The following AFF3 variants were observed in gnomAD, a reference collection of about 807,000 sequenced individuals.
AFF3 encodes the protein AF4/FMR2 family member 3.
Under a neutral mutation model 129.7 loss-of-function variants are expected in AFF3, and 32 were observed. The observed-to-expected ratio is 0.25, with a 90% CI of 0.19 to 0.33. The LOEUF (loss-of-function observed/expected upper bound fraction) is 0.33, where lower values mean the gene tolerates loss of function less well. AFF3 is among the 10% of genes least tolerant of loss of function. The pLI is 1.00. For synonymous variants in AFF3, 644 were observed against 635.4 expected (o/e 1.01, Z -0.20); for missense variants, 1,373 against 1,592.0 (o/e 0.86, Z 2.34).
intron 7 of AFF3, among the ~76,000 whole-genome samples, chr2:99,991,921 A>C (rs935153064): frequency 6.9e-6 from 1 of 145,300 alleles, no homozygotes; most frequent in African/African-American, 2.7e-5. Context: ...AAACAAAAAC[A>C]AAAAAACCCA....
Position 99,755,831 on chromosome 2 carries a change from CTTG to C in AFF3, c.922-3533_922-3531del, listed in dbSNP as rs1292132493. Among the ~76,000 whole-genome samples the C allele has an allele frequency of 2.0e-4, 30 of 152,334 alleles. 1 individual carries two copies. Among genetic ancestry groups the C allele is most frequent in the South Asian group, 1.7e-3 (8 of 4,828 alleles). On this transcript the variant is annotated intron_variant, in intron 8 of 24. Transcript: ENST00000672756. The stretch of plus-strand genomic sequence containing the variant: ...GTAAAAATCGGCATATCAAATTGCT[CTTG>C]AAATTCAACACCCAACACTAGCCAC...
At chr2:99,963,558 G>GT (rs1022327062) in intron 7 of AFF3, among the ~76,000 whole-genome samples, 10 of 151,964 alleles carry the variant, frequency 6.6e-5, no homozygotes, top group African/African-American at 2.4e-4. Flanking sequence ...GCTGTGATAT[G>GT]TTTTTTATGT....
At chr2:99,730,188 G>C (rs1679706522) in intron 10 of AFF3, among the ~76,000 whole-genome samples, 1 of 152,114 alleles carries the variant, frequency 6.6e-6, no homozygotes. Context: ...AGTGGGAAAA[G>C]ATGCTTAAGG....
At chr2:100,016,114 G>GT (rs1683019645) in intron 4 of AFF3, among the ~76,000 whole-genome samples, 1 of 151,174 alleles carries the variant, frequency 6.6e-6, no homozygotes. Context: ...GGTGGTGGTG[G>GT]TAGCAATGGT....
intron 11 of AFF3, among the ~76,000 whole-genome samples, chr2:99,685,043 A>T (rs1674919119): frequency 6.6e-6 from 1 of 150,422 alleles, no homozygotes; most frequent in Non-Finnish European, 1.5e-5. Context: ...TGTTCAAGTG[A>T]CTCTCGTGCT....
chr2:99,922,902 G>T (rs1695952058), intron 7 of AFF3, among the ~76,000 whole-genome samples: 1 of 152,010 alleles, frequency 6.6e-6, no homozygotes, highest in African/African-American at 2.4e-5. Flanking sequence ...CAGCCTTTTG[G>T]AGCTCTCAGC....
At chr2:100,012,724 G>C (rs112799614) in intron 4 of AFF3, among the ~76,000 whole-genome samples, 1 of 152,138 alleles carries the variant, frequency 6.6e-6, no homozygotes, top group Admixed American at 6.5e-5. Flanking sequence ...GAAAGCTTTC[G>C]CCTGACAAGC....
intron 11 of AFF3, among the ~76,000 whole-genome samples, chr2:99,721,922 T>C (rs889884987): frequency 4.6e-5 from 7 of 152,264 alleles, no homozygotes; most frequent in African/African-American, 1.7e-4. Context: ...TCAGACTACT[T>C]GATATTATCC....
At chr2:99,739,963 T>G (rs796067188) in intron 10 of AFF3, among the ~76,000 whole-genome samples, 1 of 76,172 alleles carries the variant, frequency 1.3e-5, no homozygotes, top group Non-Finnish European at 2.4e-5. Context: ...CCCTCCCCCC[T>G]CCCCCCACCC....
At chr2:100,049,250 C>G (rs1485093750) in intron 4 of AFF3, among the ~76,000 whole-genome samples, 1 of 152,174 alleles carries the variant, frequency 6.6e-6, no homozygotes, top group Non-Finnish European at 1.5e-5. Context: ...CGTGTACTTC[C>G]TGTGGTGCCA....
chr2:99,670,062 A>G (rs1558725783), intron 12 of AFF3, among the ~76,000 whole-genome samples: 1 of 152,162 alleles, frequency 6.6e-6, no homozygotes, highest in Non-Finnish European at 1.5e-5. Context: ...ACAAACAGAG[A>G]CACTGAAGCA....
intron 2 of AFF3, among the ~76,000 whole-genome samples, chr2:100,126,748 T>C (rs1187830524): frequency 6.6e-6 from 1 of 152,234 alleles, no homozygotes; most frequent in Non-Finnish European, 1.5e-5. Context: ...TGATATTTTT[T>C]AATAAAATGT....
At chr2:100,015,074 A>C (rs1682900129) in intron 4 of AFF3, among the ~76,000 whole-genome samples, 1 of 150,352 alleles carries the variant, frequency 6.7e-6, no homozygotes, top group Non-Finnish European at 1.5e-5. Context: ...AAAGTGCTGG[A>C]ATTACAGGCG....
chr2:99,556,463 A>G (rs984379368), intron 22 of AFF3, among the ~76,000 whole-genome samples: 1 of 152,136 alleles, frequency 6.6e-6, no homozygotes, highest in East Asian at 1.9e-4. Context: ...ACAAAAAAAG[A>G]AGTCTTGAGT....
intron 8 of AFF3, among the ~76,000 whole-genome samples, chr2:99,787,216 A>C (rs1684865417): frequency 6.6e-6 from 1 of 152,152 alleles, no homozygotes; most frequent in Non-Finnish European, 1.5e-5. Context: ...AACCGAAGCC[A>C]GAAGTGCTCG....
At chr2:99,690,385 G>T (rs1675530164) in intron 11 of AFF3, among the ~76,000 whole-genome samples, 1 of 151,622 alleles carries the variant, frequency 6.6e-6, no homozygotes, top group South Asian at 2.1e-4. Context: ...GTTTCACCGT[G>T]TTAGCCAGGA....
At chr2:100,065,498 T>C (rs1687650122) in intron 4 of AFF3, among the ~76,000 whole-genome samples, 1 of 152,212 alleles carries the variant, frequency 6.6e-6, no homozygotes, top group African/African-American at 2.4e-5. Flanking sequence ...AAGAGATGCA[T>C]AAAATGTAGC....
chr2:99,930,869 C>G (rs919469927), intron 7 of AFF3, among the ~76,000 whole-genome samples: 1 of 152,204 alleles, frequency 6.6e-6, no homozygotes, highest in East Asian at 1.9e-4. Context: ...CTATGAGGCT[C>G]TAATGAGATC....
intron 7 of AFF3, among the ~76,000 whole-genome samples, chr2:99,916,557 G>T (rs1174724373): frequency 1.3e-5 from 2 of 152,102 alleles, no homozygotes; most frequent in East Asian, 3.9e-4. Flanking sequence ...ATGGAGAGAG[G>T]CCTAAAAGTA....
Sources: allele counts gnomAD v4.1 joint callset (sites outside exome capture counted in the v4.1 genomes callset), GRCh38; gene constraint gnomAD v4.1.1; transcripts MANE v1.5; gene names NCBI Gene and HGNC (gene_info 2026-07-23, HGNC 2026-07-21).